LRP12: variants seen among roughly 807,000 people sequenced by gnomAD.
LRP12 encodes the protein low-density lipoprotein receptor-related protein 12.
In LRP12, 14 loss-of-function variants were observed where a neutral mutation model predicts 66.0. The ratio of observed to expected loss-of-function variants is 0.21; its 90% CI spans 0.14 to 0.33. The LOEUF is 0.33. Among genes scored for constraint, LRP12 ranks in the 10% least tolerant of loss-of-function variants. The pLI, the probability that LRP12 is intolerant of heterozygous loss-of-function variation, is 1.00. For missense variants in LRP12, 889 were observed against 1,053.4 expected (o/e 0.84, Z 2.16); for synonymous variants, 357 against 359.1 (o/e 0.99, Z 0.07).
At chr8:104,509,148 T>C (rs962388216) in intron 2 of LRP12, 74 bp from the exon 3 acceptor site, 5 of 1,419,828 alleles carry the variant, frequency 3.5e-6, no homozygotes, top group Non-Finnish European at 3.8e-6. Flanking sequence ...GTGTTTATTT[T>C]TTAAAAACCA....
intron 2 of LRP12, among the ~76,000 whole-genome samples, chr8:104,530,694 A>G (rs1811313677): frequency 6.6e-6 from 1 of 152,194 alleles, no homozygotes; most frequent in Non-Finnish European, 1.5e-5. Context: ...TTTGAAAACT[A>G]CTAAATTAAA....
intron 1 of LRP12, among the ~76,000 whole-genome samples, chr8:104,578,638 C>A (rs145527468): frequency 3.4e-4 from 51 of 152,124 alleles, no homozygotes; most frequent in Non-Finnish European, 5.6e-4. Flanking sequence ...AAGAAAACAT[C>A]AGGCCAATAT....
intron 2 of LRP12, among the ~76,000 whole-genome samples, chr8:104,518,185 A>G: frequency 6.6e-6 from 1 of 152,144 alleles, no homozygotes; most frequent in African/African-American, 2.4e-5. Context: ...ATTAAAGTGA[A>G]GCATGTATGC....
Position 104,497,227 on chromosome 8 carries a change from C to T in LRP12, c.1325G>A (p.Gly442Asp), listed in dbSNP as rs922199847. The change falls in exon 5 of 7, where the codon GGC becomes GAC. Residue 442 changes from glycine (G) to aspartate (D), a missense_variant. Coordinates refer to ENST00000276654, the MANE Select transcript of LRP12 (RefSeq NM_013437.5). This position sits in a 1 kb window ranked among gnomAD's most constrained non-coding sequence, Gnocchi z 4.3. Reference protein sequence around the residue: ...RCNYQNHCPNGSDEKNCFFCQ... With the variant: ...RCNYQNHCPNDSDEKNCFFCQ... ...AAAAAAGCAGTTTTTTTCATCTGAG[C>T]CATTTGGGCAATGATTCTGGTAGTT... The T allele has an allele frequency of 6.2e-7, 1 of 1,613,002 alleles. No homozygotes were observed. Among genetic ancestry groups the T allele is most frequent in the Non-Finnish European group, 8.5e-7 (1 of 1,179,616 alleles).
At chr8:104,535,402 A>G (rs963278817) in intron 1 of LRP12, among the ~76,000 whole-genome samples, 6 of 152,012 alleles carry the variant, frequency 3.9e-5, no homozygotes, top group African/African-American at 9.7e-5. Flanking sequence ...ATGACTCCTA[A>G]GATTCAGTTT....
chr8:104,507,456 T>TC (rs1810926488), intron 3 of LRP12: 1 of 152,194 alleles, frequency 6.6e-6, no homozygotes, highest in South Asian at 2.1e-4. Context: ...TCATGTAATC[T>TC]CCTCTGTGCT....
At chr8:104,492,622 G>A (rs1466709268) in intron 6 of LRP12, among the ~76,000 whole-genome samples, 1 of 152,050 alleles carries the variant, frequency 6.6e-6, no homozygotes, top group African/African-American at 2.4e-5. Flanking sequence ...CTTATGTTCT[G>A]TATCTCTTTG....
chr8:104,577,073 C>T (rs1812175839), intron 1 of LRP12, among the ~76,000 whole-genome samples: 1 of 152,078 alleles, frequency 6.6e-6, no homozygotes, highest in Non-Finnish European at 1.5e-5. Context: ...CAGGAGCACC[C>T]AGATTCATAA....
chr8:104,548,519 GTATCTAATAT>G (rs1811668692), intron 1 of LRP12, among the ~76,000 whole-genome samples: 3 of 115,784 alleles, frequency 2.6e-5, no homozygotes, highest in Non-Finnish European at 5.1e-5. Context: ...ATTATATTTT[GTATCTAATAT>G]ATAATTCTAT....
chr8:104,512,285 C>A (rs1178051051), intron 2 of LRP12, among the ~76,000 whole-genome samples: 1 of 152,146 alleles, frequency 6.6e-6, no homozygotes, highest in Non-Finnish European at 1.5e-5. Context: ...CCACTGCACT[C>A]CAGCCTGGTG....
intron 1 of LRP12, chr8:104,566,259 T>C: frequency 2.0e-6 from 1 of 496,538 alleles, no homozygotes; most frequent in Non-Finnish European, 3.2e-6. Flanking sequence ...TGGCTATAGT[T>C]AAAGTAGAAC....
chr8:104,522,413 T>C (rs1170846465), intron 2 of LRP12, among the ~76,000 whole-genome samples: 1 of 152,132 alleles, frequency 6.6e-6, no homozygotes, highest in Non-Finnish European at 1.5e-5. Context: ...ACTTCAAAAC[T>C]ATCTGAAGTC....
At position 104,491,384 on chromosome 8, in the gene LRP12, T is replaced by C; in HGVS notation, c.1869A>G (p.Ala623=). 6.2e-7 allele frequency: 1 copy of C among 1,614,136 alleles called. No individual in the cohort carries two copies. Among genetic ancestry groups the C allele is most frequent in the Non-Finnish European group, 8.5e-7 (1 of 1,180,014 alleles). ...RHSGSLALVS[A]DGDEVVPSQS... is the part of the protein sequence containing the mutation. ...GACTAGGGACAACCTCATCTCCATCTGCTGAGACCAAAGCCAATGACCCAG... is the reference window on the plus strand; with the variant it reads ...GACTAGGGACAACCTCATCTCCATCCGCTGAGACCAAAGCCAATGACCCAG... The change falls in exon 7 of 7, where the codon GCA becomes GCG. Residue 623 remains alanine, a synonymous_variant. Transcript: ENST00000276654.
At chr8:104,551,188 G>T (rs929105463) in intron 1 of LRP12, among the ~76,000 whole-genome samples, 3 of 152,162 alleles carry the variant, frequency 2.0e-5, no homozygotes, top group African/African-American at 7.2e-5. Context: ...GAAAAGTTGA[G>T]TGCATTGCCA....
At position 104,588,970 on chromosome 8, in the gene LRP12, A is replaced by ACGACGCCGC. The variant is rs1554712978; in HGVS notation, c.-74_-73insGCGGCGTCG. 6.0e-5 allele frequency: 36 copies of ACGACGCCGC among 601,154 alleles called. No homozygotes were observed. Among genetic ancestry groups the ACGACGCCGC allele is most frequent in the South Asian group, 9.5e-5 (4 of 41,974 alleles). 37.2% of individuals were successfully genotyped at this position (601,154 alleles called of 1,614,324 possible). A position where few individuals can be genotyped will look rare whatever the true frequency, so the allele number is the denominator to read the frequency against. On this transcript the variant is annotated 5_prime_UTR_variant, in exon 1 of 7. Transcript: ENST00000276654. ...GAGAAGCTGGAGGTAGACGACGCCG[A>ACGACGCCGC]CGCCGCCGCCGCCGCCGCCGCCGCC... is the stretch of plus-strand genomic sequence containing the variant.
intron 2 of LRP12, 63 bp from the exon 3 acceptor site, chr8:104,509,137 AG>A: frequency 6.7e-7 from 1 of 1,491,682 alleles, no homozygotes; most frequent in Non-Finnish European, 9.0e-7. Context: ...TAGGTAAATC[AG>A]TGTTTATTTT....
chr8:104,584,874 CCTTT>C (rs1228158556), intron 1 of LRP12, among the ~76,000 whole-genome samples: 1 of 152,192 alleles, frequency 6.6e-6, no homozygotes, highest in Admixed American at 6.5e-5. Flanking sequence ...ACTTCTACAA[CCTTT>C]CTAAAATTGG....
At chr8:104,537,339 A>C (rs1811405071) in intron 1 of LRP12, among the ~76,000 whole-genome samples, 1 of 152,084 alleles carries the variant, frequency 6.6e-6, no homozygotes, top group Non-Finnish European at 1.5e-5. Flanking sequence ...AAAACCTCCA[A>C]AATTTGCATC....
In LRP12 at chr8:104,537,985, A is replaced by C. The variant is rs1202601083; in HGVS notation, c.80-6022T>G. Among the ~76,000 whole-genome samples, 4 of 152,142 alleles carry C rather than the reference A, an allele frequency of 2.6e-5. 1 individual carries two copies. The highest frequency in any genetic ancestry group is 5.9e-5 in the Non-Finnish European group (4 of 68,022). On this transcript the variant is annotated intron_variant, in intron 1 of 6. Transcript: ENST00000276654. ...CTGACAAAATAACTACAGCACTTCCAAGTACCACATCCAGGGGAAGAGACA... is the reference window on the plus strand; with the variant it reads ...CTGACAAAATAACTACAGCACTTCCCAGTACCACATCCAGGGGAAGAGACA...
Sources: gnomAD v4.1 joint callset for allele counts (sites outside exome capture counted in the v4.1 genomes callset) on GRCh38, gnomAD v4.1.1 for gene constraint, Gnocchi (gnomAD v3.1) non-coding constraint, MANE v1.5 for transcripts, NCBI Gene and HGNC (gene_info 2026-07-23, HGNC 2026-07-21) for gene names.